The following CNTLN variants were observed in gnomAD, a reference collection of about 807,000 sequenced individuals.
CNTLN encodes centlein, also known as centlein, centrosomal protein.
CNTLN carries 212 observed loss-of-function variants against 180.0 expected under a neutral mutation model. That is an observed-to-expected ratio of 1.18 (90% CI 1.05 to 1.32). The LOEUF (loss-of-function observed/expected upper bound fraction) is 1.32, where lower values mean the gene tolerates loss of function less well. Ranked by LOEUF, CNTLN falls within the 40% of genes most tolerant of loss-of-function variation. The pLI is 0.00. For missense variants in CNTLN, 2,095 were observed against 1,610.9 expected (o/e 1.30, Z -5.14); for synonymous variants, 722 against 563.1 (o/e 1.28, Z -3.99).
intron 18 of CNTLN, among the ~76,000 whole-genome samples, chr9:17,450,447 A>G (rs1288622132): frequency 6.6e-6 from 1 of 152,244 alleles, no homozygotes; most frequent in Non-Finnish European, 1.5e-5. Flanking sequence ...TATGTATGGC[A>G]TGTGAAACAT....
At chr9:17,508,411 A>G (rs1347366698), downstream of CNTLN, among the ~76,000 whole-genome samples, 2 of 152,222 alleles carry the variant, frequency 1.3e-5, no homozygotes, top group African/African-American at 4.8e-5. Flanking sequence ...TAACTAAAAT[A>G]TAGACCATAG....
At chr9:17,278,077 A>G (rs1223548232) in intron 6 of CNTLN, among the ~76,000 whole-genome samples, 1 of 152,154 alleles carries the variant, frequency 6.6e-6, no homozygotes, top group Non-Finnish European at 1.5e-5. Flanking sequence ...GGCACTATCA[A>G]ACTGTGGCTC....
intron 13 of CNTLN, 58 bp from the exon 14 acceptor site, chr9:17,388,104 C>G: frequency 9.3e-7 from 1 of 1,073,616 alleles, no homozygotes; most frequent in Non-Finnish European, 1.4e-6. Flanking sequence ...CTTAAAATGA[C>G]AGGACAGTAT....
chr9:17,406,044 A>G (rs1335015868), intron 15 of CNTLN, among the ~76,000 whole-genome samples: 1 of 151,748 alleles, frequency 6.6e-6, no homozygotes, highest in East Asian at 1.9e-4. Context: ...TTGGATATCA[A>G]ATAGCCTAAT....
the CNTLN span, among the ~76,000 whole-genome samples, chr9:17,516,292 A>T: frequency 2.0e-4 from 30 of 152,312 alleles, no homozygotes; most frequent in South Asian, 6.2e-3. Context: ...TATAGACCGT[A>T]AGTCATGTAA....
chr9:17,358,442 T>C (rs1823023651), intron 12 of CNTLN, among the ~76,000 whole-genome samples: 2 of 152,124 alleles, frequency 1.3e-5, no homozygotes, highest in Admixed American at 1.3e-4. Context: ...TATATTTTTG[T>C]AGATGTATAT....
downstream of CNTLN, among the ~76,000 whole-genome samples, chr9:17,507,142 C>T (rs1404508230): frequency 5.9e-5 from 9 of 152,168 alleles, no homozygotes; most frequent in Admixed American, 5.9e-4. Context: ...TCTCTCCCTC[C>T]TTTTCCCCAC....
intron 2 of CNTLN, among the ~76,000 whole-genome samples, chr9:17,148,819 AT>A (rs1212318551): frequency 6.6e-6 from 1 of 152,010 alleles, no homozygotes; most frequent in Admixed American, 6.6e-5. Context: ...TAATTTTTTT[AT>A]TTTTATTTTT....
intron 1 of CNTLN, among the ~76,000 whole-genome samples, chr9:17,135,722 C>T (rs969502070): frequency 6.6e-6 from 1 of 152,236 alleles, no homozygotes; most frequent in Non-Finnish European, 1.5e-5. Flanking sequence ...CCCCCCCAAG[C>T]CCAAGTTCTT....
chr9:17,376,357 G>A (rs569590289), intron 13 of CNTLN, among the ~76,000 whole-genome samples: 20 of 151,686 alleles, frequency 1.3e-4, no homozygotes, highest in African/African-American at 4.3e-4. Flanking sequence ...AAAGAAGAAA[G>A]CAAAGAAAAA....
chr9:17,460,772 C>G (rs996112294), intron 19 of CNTLN, among the ~76,000 whole-genome samples: 4 of 151,758 alleles, frequency 2.6e-5, no homozygotes, highest in Admixed American at 2.0e-4. Flanking sequence ...AACTAGTTAT[C>G]TTAATATCTA....
At position 17,312,369 on chromosome 9, in the gene CNTLN, T is replaced by TTATATATATATATATATATA. The variant is rs1587619948; in HGVS notation, c.1341+3117_1341+3118insTATATATATATATATATATA. Among the ~76,000 whole-genome samples the TTATATATATATATATATATA allele has an allele frequency of 9.3e-3, 316 of 34,052 alleles. 2 individuals carry two copies. The highest frequency in any genetic ancestry group is 0.018 in the African/African-American group (220 of 12,456). The allele number at this position is 34,052 out of a possible 152,430, so 22.3% of individuals were successfully genotyped here. ...TATATATATATATATATATATTATA[T>TTATATATATATATATATATA]ATATATATATATATAATTTATTTAT... On this transcript the variant is annotated intron_variant, in intron 8 of 25. Coordinates refer to ENST00000380647, the MANE Select transcript of CNTLN (RefSeq NM_017738.4).
At chr9:17,334,257 A>G (rs900461955) in intron 10 of CNTLN, among the ~76,000 whole-genome samples, 14 of 151,948 alleles carry the variant, frequency 9.2e-5, no homozygotes, top group African/African-American at 3.4e-4. Flanking sequence ...ATGGAGTTTT[A>G]CCATGTTGGC....
the CNTLN span, among the ~76,000 whole-genome samples, chr9:17,510,950 A>G: frequency 2.1e-4 from 32 of 152,356 alleles, 1 homozygote; most frequent in African/African-American, 5.8e-4. Context: ...AGAAACTGCA[A>G]AAGTGTTTTC....
intron 5 of CNTLN, among the ~76,000 whole-genome samples, chr9:17,271,754 T>G (rs951255254): frequency 6.6e-6 from 1 of 152,146 alleles, no homozygotes; most frequent in Non-Finnish European, 1.5e-5. Flanking sequence ...ATTTTTACCT[T>G]CAGAATATAT....
chr9:17,248,595 A>G (rs1277642410), intron 5 of CNTLN, among the ~76,000 whole-genome samples: 1 of 148,708 alleles, frequency 6.7e-6, no homozygotes, highest in Non-Finnish European at 1.5e-5. Flanking sequence ...AAATGGAATC[A>G]AAATGTGTCA....
chr9:17,255,633 A>G (rs1826432098), intron 5 of CNTLN, among the ~76,000 whole-genome samples: 1 of 151,670 alleles, frequency 6.6e-6, no homozygotes, highest in Admixed American at 6.6e-5. Flanking sequence ...GTTTTCTTCT[A>G]GTGTTGTTTT....
chr9:17,213,209 C>G (rs1823465388), intron 2 of CNTLN, among the ~76,000 whole-genome samples: 2 of 152,136 alleles, frequency 1.3e-5, no homozygotes, highest in Admixed American at 1.3e-4. Context: ...ATAAATTTCC[C>G]TCTACACACT....
intron 2 of CNTLN, among the ~76,000 whole-genome samples, chr9:17,193,568 A>G (rs114522694): frequency 0.022 from 3,413 of 152,294 alleles, 79 homozygotes; most frequent in African/African-American, 0.062. Flanking sequence ...CAAAGAGGTG[A>G]GTTCCCATGG....
Sources: allele counts gnomAD v4.1 joint callset (sites outside exome capture counted in the v4.1 genomes callset), GRCh38; gene constraint gnomAD v4.1.1; transcripts MANE v1.5; gene names NCBI Gene and HGNC (gene_info 2026-07-23, HGNC 2026-07-21).